MSRA: variants seen among roughly 807,000 people sequenced by gnomAD.
The protein encoded by MSRA is methionine sulfoxide reductase A.
MSRA carries 54 observed loss-of-function variants against 31.3 expected under a neutral mutation model. The observed-to-expected ratio is 1.73, with a 90% CI of 1.39 to 2.17. The LOEUF is 2.17. Among genes scored for constraint, MSRA ranks in the 30% most tolerant of loss-of-function variants. The pLI is 0.00. For missense variants in MSRA, 507 were observed against 300.9 expected (o/e 1.69, Z -5.07); for synonymous variants, 169 against 116.5 (o/e 1.45, Z -2.90).
chr8:10,407,170 C>G (rs1389201841), intron 5 of MSRA, among the ~76,000 whole-genome samples: 1 of 152,222 alleles, frequency 6.6e-6, no homozygotes, highest in Non-Finnish European at 1.5e-5. Context: ...AGCCACCATG[C>G]CCAGCCTAGA....
At chr8:10,284,184 CATT>C (rs1799808949) in intron 3 of MSRA, among the ~76,000 whole-genome samples, 1 of 151,896 alleles carries the variant, frequency 6.6e-6, no homozygotes, top group Admixed American at 6.6e-5. Flanking sequence ...GAGAATGAAT[CATT>C]ATTATTATTA....
Position 10,078,778 on chromosome 8 carries a change from C to G in MSRA, c.142+24120C>G, listed in dbSNP as rs530323704. Among the ~76,000 whole-genome samples the G allele has an allele frequency of 3.9e-5, 6 of 152,372 alleles. No homozygotes were observed. In the South Asian group the frequency reaches 1.2e-3, roughly 32 times the overall value. On this transcript the variant is annotated intron_variant, in intron 1 of 5. Transcript: ENST00000317173. The stretch of plus-strand genomic sequence containing the variant: ...CCTTGGATTCTTTGACCAAAAACAA[C>G]CAGTCTATCTCCCTGTTTCTCTTTG...
chr8:10,120,812 G>T (rs57105322), intron 1 of MSRA, among the ~76,000 whole-genome samples: 2 of 152,112 alleles, frequency 1.3e-5, no homozygotes, highest in Non-Finnish European at 2.9e-5. Flanking sequence ...CTGCTGGGCT[G>T]GCTAGCCTAC....
At chr8:10,160,947 A>G (rs566613472) in intron 1 of MSRA, among the ~76,000 whole-genome samples, 6 of 152,028 alleles carry the variant, frequency 3.9e-5, no homozygotes, top group African/African-American at 1.5e-4. Context: ...TTAGTGCAGC[A>G]TTAATTAACA....
At chr8:10,106,340 C>G (rs1034538999) in intron 1 of MSRA, among the ~76,000 whole-genome samples, 1 of 152,202 alleles carries the variant, frequency 6.6e-6, no homozygotes, top group Non-Finnish European at 1.5e-5. Flanking sequence ...AATGTCCTCT[C>G]ATTGGCTAGC....
intron 5 of MSRA, among the ~76,000 whole-genome samples, chr8:10,321,286 T>A (rs918899017): frequency 4.6e-5 from 7 of 152,174 alleles, no homozygotes. Context: ...ATAAAGCTAA[T>A]CTATGTTAGA....
chr8:10,174,098 A>G (rs1269545886), intron 1 of MSRA, among the ~76,000 whole-genome samples: 7 of 152,170 alleles, frequency 4.6e-5, no homozygotes, highest in Admixed American at 2.6e-4. Context: ...GAATGTGCCA[A>G]TTAGACCAGT....
At chr8:10,061,396 G>A (rs534783346) in intron 1 of MSRA, among the ~76,000 whole-genome samples, 13 of 151,984 alleles carry the variant, frequency 8.6e-5, no homozygotes, top group African/African-American at 2.4e-4. Flanking sequence ...CCCTTCTCCC[G>A]GAAACCCATC....
chr8:10,086,634 G>A (rs1286590145), intron 1 of MSRA, among the ~76,000 whole-genome samples: 2 of 152,054 alleles, frequency 1.3e-5, no homozygotes, highest in Non-Finnish European at 2.9e-5. Context: ...AGTGCAAAGT[G>A]TTTCTTATTG....
At chr8:10,354,687 C>T (rs953386127) in intron 5 of MSRA, among the ~76,000 whole-genome samples, 4 of 150,130 alleles carry the variant, frequency 2.7e-5, no homozygotes, top group South Asian at 2.1e-4. Flanking sequence ...CCTGCATTTT[C>T]GCTGCATATT....
chr8:10,085,894 T>G (rs937541998), intron 1 of MSRA, among the ~76,000 whole-genome samples: 4 of 152,240 alleles, frequency 2.6e-5, no homozygotes, highest in Non-Finnish European at 4.4e-5. Context: ...GTTCCTGTGG[T>G]TCTTCCATGT....
chr8:10,377,811 G>A (rs564841535), intron 5 of MSRA, among the ~76,000 whole-genome samples: 1 of 152,218 alleles, frequency 6.6e-6, no homozygotes, highest in Non-Finnish European at 1.5e-5. Context: ...CACGTGCTGG[G>A]TGTGGAGGCA....
At chr8:10,108,943 A>G (rs558709689) in intron 1 of MSRA, among the ~76,000 whole-genome samples, 2 of 152,298 alleles carry the variant, frequency 1.3e-5, no homozygotes, top group East Asian at 1.9e-4. Context: ...ATAAAAGTCT[A>G]TTTATAACTG....
At chr8:10,216,460 G>A (rs139556271) in intron 2 of MSRA, among the ~76,000 whole-genome samples, 12 of 152,240 alleles carry the variant, frequency 7.9e-5, no homozygotes, top group East Asian at 3.9e-4. Context: ...TTTTTTAAGC[G>A]TATGGTCCAG....
chr8:10,403,456 G>A (rs1807591934), intron 5 of MSRA, among the ~76,000 whole-genome samples: 1 of 152,220 alleles, frequency 6.6e-6, no homozygotes, highest in Non-Finnish European at 1.5e-5. Flanking sequence ...AGAGGTTCAT[G>A]GGTCCTGGAT....
chr8:10,173,917 G>C (rs1049182182), intron 1 of MSRA, among the ~76,000 whole-genome samples: 2 of 152,200 alleles, frequency 1.3e-5, no homozygotes, highest in Non-Finnish European at 2.9e-5. Context: ...TGGGCTAATG[G>C]TCCCAGCGTG....
intron 1 of MSRA, among the ~76,000 whole-genome samples, chr8:10,161,986 C>G (rs904474172): frequency 6.6e-6 from 1 of 152,184 alleles, no homozygotes; most frequent in Non-Finnish European, 1.5e-5. Context: ...CTGTGCGGAT[C>G]CCAGCTCGCA....
chr8:10,126,995 A>G (rs1183565884), intron 1 of MSRA, among the ~76,000 whole-genome samples: 1 of 152,230 alleles, frequency 6.6e-6, no homozygotes, highest in Non-Finnish European at 1.5e-5. Flanking sequence ...AACAGGCCAC[A>G]GCCTGGTCCA....
intron 1 of MSRA, among the ~76,000 whole-genome samples, chr8:10,128,454 A>G (rs546183006): frequency 3.9e-5 from 6 of 152,222 alleles, no homozygotes; most frequent in Non-Finnish European, 5.9e-5. Flanking sequence ...GATCATATAC[A>G]TTGCTGGATT....
Sources: allele counts gnomAD v4.1 joint callset (sites outside exome capture counted in the v4.1 genomes callset), GRCh38; gene constraint gnomAD v4.1.1; transcripts MANE v1.5; gene names NCBI Gene and HGNC (gene_info 2026-07-23, HGNC 2026-07-21).